RNF168: variants seen among roughly 807,000 people sequenced by gnomAD.
RNF168 encodes E3 ubiquitin-protein ligase RNF168.
In RNF168, 34 loss-of-function variants were observed where a neutral mutation model predicts 34.9. The ratio of observed to expected loss-of-function variants is 0.97; its 90% CI spans 0.74 to 1.30. The LOEUF is 1.30. Among genes scored for constraint, RNF168 ranks in the 50% most tolerant of loss-of-function variants. The pLI, the probability that RNF168 is intolerant of heterozygous loss-of-function variation, is 0.00. For synonymous variants in RNF168, 264 were observed against 254.7 expected, an observed-to-expected ratio of 1.04 and a Z score of -0.35; for missense variants, 725 against 682.5, an observed-to-expected ratio of 1.06 and a Z score of -0.69.
chr3:196,480,386 A>G (rs1732258086), intron 4 of RNF168, among the ~76,000 whole-genome samples: 1 of 152,130 alleles, frequency 6.6e-6, no homozygotes, highest in Admixed American at 6.5e-5. Context: ...ACCTCATACT[A>G]TCCTGAGTTT....
rs112376804 is a variant in RNF168 at position 196,503,642 on chromosome 3, G to T, written c.-469C>A. 4.1e-5 allele frequency: 9 copies of T among 218,860 alleles called. No homozygotes were observed. The highest frequency in any genetic ancestry group is 7.1e-5 in the African/African-American group (3 of 42,524). The allele number at this position is 218,860 out of a possible 1,614,324, so 13.6% of individuals were successfully genotyped here. On this transcript the variant is annotated 5_prime_UTR_variant, in exon 1 of 6. Transcript: ENST00000318037. ...CTTCCGCTTTACCGCTGCTGCGGGG[G>T]AGACGCGCGACTCCCGTGTTCACCT...
chr3:196,476,151 C>A (rs1433313893), intron 4 of RNF168, among the ~76,000 whole-genome samples: 1 of 151,932 alleles, frequency 6.6e-6, no homozygotes, highest in Non-Finnish European at 1.5e-5. Context: ...TGAGCCACTG[C>A]GCCCAGCGTA....
chr3:196,493,607 C>T (rs182954836), intron 1 of RNF168, among the ~76,000 whole-genome samples: 1 of 152,262 alleles, frequency 6.6e-6, no homozygotes, highest in East Asian at 1.9e-4. Flanking sequence ...GTAACTGCAG[C>T]CTCCACCTCC....
intron 4 of RNF168, among the ~76,000 whole-genome samples, chr3:196,478,473 C>T (rs1384721467): frequency 3.9e-5 from 6 of 152,164 alleles, no homozygotes; most frequent in African/African-American, 1.4e-4. Context: ...GTCTGTTAAT[C>T]TTCTTCCGAC....
rs1292264326 is a variant in RNF168 at position 196,503,685 on chromosome 3, G to C, written c.-512C>G. On this transcript the variant is annotated 5_prime_UTR_variant, in exon 1 of 6. Transcript: ENST00000318037. Reference sequence around the variant, plus strand: ...GTTCACCTTTCGGGCGCCTGGCGCAGTTTCCCAGAGCTCCGCGCCCCCGTC... The same window carrying C: ...GTTCACCTTTCGGGCGCCTGGCGCACTTTCCCAGAGCTCCGCGCCCCCGTC... 1.2e-4 allele frequency: 23 copies of C among 194,604 alleles called. No homozygotes were observed. The highest frequency in any genetic ancestry group is 2.2e-5 in the Non-Finnish European group (2 of 92,340). 12.1% of individuals were successfully genotyped at this position (194,604 alleles called of 1,614,324 possible).
At chr3:196,491,296 G>A (rs1488327659) in intron 1 of RNF168, among the ~76,000 whole-genome samples, 2 of 151,958 alleles carry the variant, frequency 1.3e-5, no homozygotes, top group Non-Finnish European at 2.9e-5. Context: ...CTGGACGACA[G>A]AGGGAGATTC....
intron 4 of RNF168, among the ~76,000 whole-genome samples, chr3:196,483,046 C>G (rs1372501182): frequency 6.6e-6 from 1 of 151,258 alleles, no homozygotes; most frequent in African/African-American, 2.4e-5. Flanking sequence ...TAGCGGTTTT[C>G]TCATTTTTAC....
chr3:196,502,647 C>T (rs1013688253), intron 1 of RNF168, among the ~76,000 whole-genome samples: 7 of 151,760 alleles, frequency 4.6e-5, no homozygotes, highest in Non-Finnish European at 1.0e-4. Flanking sequence ...ACAACAAACA[C>T]CCATCGAACA....
rs891086109 is a variant in RNF168 at position 196,503,290 on chromosome 3, C to A, written c.-117G>T. On this transcript the variant is annotated 5_prime_UTR_variant, in exon 1 of 6. Coordinates refer to ENST00000318037, the MANE Select transcript of RNF168 (RefSeq NM_152617.4). ...TGTGTTTCAGTATTATGCCCAGAAG[C>A]GTATCAGAATTCGGAGAACAGGAGC... 1.1e-6 allele frequency: 1 copy of A among 898,176 alleles called. No individual in the cohort carries two copies. Among genetic ancestry groups the A allele is most frequent in the Admixed American group, 2.0e-5 (1 of 49,098 alleles). 55.6% of individuals were successfully genotyped at this position (898,176 alleles called of 1,614,324 possible). A position where few individuals can be genotyped will look rare whatever the true frequency, so the allele number is the denominator to read the frequency against.
rs1026263550 is a variant in RNF168, at chr3:196,471,362, G to A, written c.*457C>T. Reference sequence around the variant, plus strand: ...GGAGATGGAAATTAGATTACTTTAGGAAAACCTTTTGAGTACTCTGTAAAC... The same window carrying A: ...GGAGATGGAAATTAGATTACTTTAGAAAAACCTTTTGAGTACTCTGTAAAC... On this transcript the variant is annotated 3_prime_UTR_variant, in exon 6 of 6. Transcript: ENST00000318037. 1 of 152,838 alleles carries A rather than the reference G, an allele frequency of 6.5e-6. No individual in the cohort carries two copies. Among genetic ancestry groups the A allele is most frequent in the African/African-American group, 2.4e-5 (1 of 41,286 alleles). 9.5% of individuals were successfully genotyped at this position (152,838 alleles called of 1,614,324 possible). A position where few individuals can be genotyped will look rare whatever the true frequency, so the allele number is the denominator to read the frequency against.
At chr3:196,495,330 T>TATA (rs2108653556) in intron 1 of RNF168, among the ~76,000 whole-genome samples, 1 of 152,322 alleles carries the variant, frequency 6.6e-6, no homozygotes, top group Non-Finnish European at 1.5e-5. Context: ...ATTGATATAT[T>TATA]ACCCATCATA....
chr3:196,472,104 G>A lies in RNF168; in HGVS notation c.1431C>T (p.Arg477=), dbSNP rs143993777. 141 of 1,613,744 alleles carry A rather than the reference G, an allele frequency of 8.7e-5. No individual in the cohort carries two copies. The highest frequency in any genetic ancestry group is 6.6e-4 in the Middle Eastern group (4 of 6,082). ...CTTTGTCTGGAGGGGAGGATGTAGC[G>A]CGTAAGTGATACTCATCTGGGGATC... is the stretch of plus-strand genomic sequence containing the variant. ...QKGSPDEYHL[R]ATSSPPDKVL... The change falls in exon 6 of 6, where the codon CGC becomes CGT. Residue 477 remains arginine, a synonymous_variant. Transcript: ENST00000318037.
Position 196,487,070 on chromosome 3 carries a change from C to A in RNF168, c.558+329G>T, listed in dbSNP as rs183153317. Among the ~76,000 whole-genome samples, 1,026 of 152,276 alleles carry A rather than the reference C, an allele frequency of 6.7e-3. 16 individuals carry two copies. Among genetic ancestry groups the A allele is most frequent in the Middle Eastern group, 0.024 (7 of 294 alleles). Reference sequence around the variant, plus strand: ...ACCTGTCTCAAAAAACAAAAAACCCCAAAAACCTGGATTAGAGCAAATATG... The same window carrying A: ...ACCTGTCTCAAAAAACAAAAAACCCAAAAAACCTGGATTAGAGCAAATATG... On this transcript the variant is annotated intron_variant, in intron 3 of 5. Coordinates refer to ENST00000318037, the MANE Select transcript of RNF168 (RefSeq NM_152617.4).
chr3:196,498,338 G>C (rs767543320), intron 1 of RNF168, among the ~76,000 whole-genome samples: 3 of 152,048 alleles, frequency 2.0e-5, no homozygotes, highest in East Asian at 1.9e-4. Flanking sequence ...TGTATTTTTA[G>C]TAGATGGGGT....
At chr3:196,502,753 A>G in intron 1 of RNF168, 120 bp downstream of exon 1, 1 of 862,986 alleles carries the variant, frequency 1.2e-6, no homozygotes, top group East Asian at 2.6e-5. Context: ...TCTGAGAACT[A>G]TTTAGACAAA....
At chr3:196,475,124 T>A in intron 5 of RNF168, 107 bp downstream of exon 5, 1 of 731,872 alleles carries the variant, frequency 1.4e-6, no homozygotes, top group East Asian at 2.7e-5. Context: ...GACAGGGTGT[T>A]TGATTAACTA....
At position 196,471,023 on chromosome 3, in the gene RNF168, CA is replaced by C. The variant is rs58900283; in HGVS notation, c.*795del. The C allele has an allele frequency of 5.6e-4, 74 of 132,312 alleles. 1 individual carries two copies. Among genetic ancestry groups the C allele is most frequent in the East Asian group, 7.1e-4 (3 of 4,228 alleles). 8.2% of individuals were successfully genotyped at this position (132,312 alleles called of 1,614,324 possible). A position where few individuals can be genotyped will look rare whatever the true frequency, so the allele number is the denominator to read the frequency against. On this transcript the variant is annotated 3_prime_UTR_variant, in exon 6 of 6. Coordinates refer to ENST00000318037, the MANE Select transcript of RNF168 (RefSeq NM_152617.4). ...TGAAATCCCATCTCTACTAAAAGTA[CA>C]AAAAAAAAAAAAAATTAGCTGGGTA...
At chr3:196,477,654 T>C (rs1051879215) in intron 4 of RNF168, among the ~76,000 whole-genome samples, 1 of 152,248 alleles carries the variant, frequency 6.6e-6, no homozygotes, top group Non-Finnish European at 1.5e-5. Flanking sequence ...ATCACTGTTA[T>C]AACAGTTGTT....
rs1239579039 is a variant in RNF168 at position 196,469,258 on chromosome 3, G to T, written c.*2561C>A. 2 of 152,116 alleles carry T rather than the reference G, an allele frequency of 1.3e-5. No individual in the cohort carries two copies. The highest frequency in any genetic ancestry group is 4.8e-5 in the African/African-American group (2 of 41,418). 9.4% of individuals were successfully genotyped at this position (152,116 alleles called of 1,614,324 possible). A position where few individuals can be genotyped will look rare whatever the true frequency, so the allele number is the denominator to read the frequency against. On this transcript the variant is annotated 3_prime_UTR_variant, in exon 6 of 6. Coordinates refer to ENST00000318037, the MANE Select transcript of RNF168 (RefSeq NM_152617.4). ...TCTTAGCCTGTCTCAGACAAATTTG[G>T]TTTATTTATTTTTACTTAACGACCC...
Sources: allele counts gnomAD v4.1 joint callset (sites outside exome capture counted in the v4.1 genomes callset), GRCh38; gene constraint gnomAD v4.1.1; transcripts MANE v1.5; gene names NCBI Gene and HGNC (gene_info 2026-07-23, HGNC 2026-07-21).